Variants in PGBD2 observed in about 807,000 individuals in gnomAD.
PGBD2 encodes the protein piggyBac transposable element-derived protein 2.
In PGBD2, 6 loss-of-function variants were observed where a neutral mutation model predicts 8.1. That is an observed-to-expected ratio of 0.74 (90% CI 0.40 to 1.46). The LOEUF (loss-of-function observed/expected upper bound fraction) is 1.46. PGBD2 is among the 40% of genes most tolerant of loss of function. The pLI is 0.02. For missense variants in PGBD2, 802 were observed against 739.0 expected, an observed-to-expected ratio of 1.09 and a Z score of -0.99; for synonymous variants, 318 against 272.2, an observed-to-expected ratio of 1.17 and a Z score of -1.66.
the PGBD2 span, among the ~76,000 whole-genome samples, chr1:248,881,712 T>C: frequency 1.3e-5 from 2 of 152,240 alleles, no homozygotes; most frequent in Non-Finnish European, 2.9e-5. Context: ...ACTGAACTAT[T>C]AAAGTTATTT....
chr1:248,918,428 A>G lies in PGBD2; in HGVS notation c.*65A>G, dbSNP rs543484656. 2.2e-4 allele frequency: 321 copies of G among 1,463,238 alleles called. 10 individuals are homozygous for G. The South Asian group carries it at 4.2e-3, about 19-fold the overall frequency. 90.6% of individuals were successfully genotyped at this position (1,463,238 alleles called of 1,614,324 possible). A position where few individuals can be genotyped will look rare whatever the true frequency, so the allele number is the denominator to read the frequency against. ...TACAGTTAAATACAGATGGCAGTTGAGCACTTCTGTTTTGTGTTGGAAAAA... is the reference window on the plus strand; with the variant it reads ...TACAGTTAAATACAGATGGCAGTTGGGCACTTCTGTTTTGTGTTGGAAAAA... On this transcript the variant is annotated 3_prime_UTR_variant, in exon 3 of 3. Transcript: ENST00000329291.
the PGBD2 span, among the ~76,000 whole-genome samples, chr1:248,894,699 C>G: frequency 1.5e-5 from 2 of 135,718 alleles, no homozygotes; most frequent in African/African-American, 7.0e-5. Flanking sequence ...CCCTCCCTCC[C>G]TCCTTTCTTT....
chr1:248,885,443 A>C, the PGBD2 span, among the ~76,000 whole-genome samples: 2 of 152,026 alleles, frequency 1.3e-5, no homozygotes, highest in Non-Finnish European at 2.9e-5. Flanking sequence ...GCTCAGCTAA[A>C]AATTTTATTT....
chr1:248,912,603 A>T (rs754501871), intron 1 of PGBD2: 1 of 152,188 alleles, frequency 6.6e-6, no homozygotes, highest in African/African-American at 2.4e-5. Flanking sequence ...CAGAAAATAC[A>T]GAGAAAAATA....
the PGBD2 span, among the ~76,000 whole-genome samples, chr1:248,894,834 G>C: frequency 6.0e-5 from 9 of 149,688 alleles, no homozygotes; most frequent in African/African-American, 2.2e-4. Flanking sequence ...CGCTCTGATT[G>C]TCACTGGCTG....
the PGBD2 span, among the ~76,000 whole-genome samples, chr1:248,927,156 C>G: frequency 6.6e-6 from 1 of 152,130 alleles, no homozygotes; most frequent in African/African-American, 2.4e-5. Context: ...GACAGACATC[C>G]TTAAGGAAGG....
chr1:248,877,280 T>C, the PGBD2 span, among the ~76,000 whole-genome samples: 1 of 152,214 alleles, frequency 6.6e-6, no homozygotes, highest in Non-Finnish European at 1.5e-5. Flanking sequence ...GAGTGAAGTT[T>C]CCAGTTATGA....
At chr1:248,883,593 T>TTC in the PGBD2 span, among the ~76,000 whole-genome samples, 2 of 139,316 alleles carry the variant, frequency 1.4e-5, no homozygotes, top group African/African-American at 5.5e-5. Context: ...TCTTTTTTTT[T>TTC]TTTTTTTTTT....
At chr1:248,902,125 C>A (rs1661544408), upstream of PGBD2, among the ~76,000 whole-genome samples, 1 of 152,000 alleles carries the variant, frequency 6.6e-6, no homozygotes, top group African/African-American at 2.4e-5. Context: ...AAAAAATAGC[C>A]AGGCATGGTG....
the PGBD2 span, among the ~76,000 whole-genome samples, chr1:248,875,861 T>C: frequency 3.3e-5 from 5 of 152,188 alleles, no homozygotes; most frequent in African/African-American, 7.2e-5. Flanking sequence ...ATAATTCAAA[T>C]TGCTACAAAT....
the PGBD2 span, among the ~76,000 whole-genome samples, chr1:248,881,517 T>C: frequency 6.6e-6 from 1 of 152,240 alleles, no homozygotes; most frequent in African/African-American, 2.4e-5. Flanking sequence ...GCTTTATTTA[T>C]TGGTTTGGCA....
At chr1:248,915,719 A>T (rs753591224) in intron 2 of PGBD2, among the ~76,000 whole-genome samples, 4 of 152,166 alleles carry the variant, frequency 2.6e-5, no homozygotes, top group African/African-American at 4.8e-5. Context: ...TGGCTTCTGA[A>T]TTGCAGTTAG....
At chr1:248,916,311 G>T (rs956419036) in intron 2 of PGBD2, among the ~76,000 whole-genome samples, 1 of 152,260 alleles carries the variant, frequency 6.6e-6, no homozygotes, top group South Asian at 2.1e-4. Flanking sequence ...GTACTCGGGA[G>T]GCTGAGGCAG....
downstream of PGBD2, among the ~76,000 whole-genome samples, chr1:248,922,045 G>A (rs1156515872): frequency 6.6e-6 from 1 of 150,814 alleles, no homozygotes; most frequent in African/African-American, 2.4e-5. Flanking sequence ...AGACAATGGG[G>A]TTTTCTTTTC....
the PGBD2 span, among the ~76,000 whole-genome samples, chr1:248,928,769 T>A: frequency 6.6e-6 from 1 of 152,238 alleles, no homozygotes; most frequent in Non-Finnish European, 1.5e-5. Flanking sequence ...CTCAACAAAC[T>A]TATTTTTCCT....
At chr1:248,873,823 G>A in the PGBD2 span, among the ~76,000 whole-genome samples, 1 of 152,212 alleles carries the variant, frequency 6.6e-6, no homozygotes, top group Admixed American at 6.5e-5. Flanking sequence ...ACACAAGTAT[G>A]AGGCTAAGTG....
At chr1:248,878,291 T>C in the PGBD2 span, among the ~76,000 whole-genome samples, 572 of 152,212 alleles carry the variant, frequency 3.8e-3, 4 homozygotes, top group Middle Eastern at 0.024. Flanking sequence ...GCGAGTCTCC[T>C]GCCTCAGCCT....
At chr1:248,929,673 T>C in the PGBD2 span, among the ~76,000 whole-genome samples, 1 of 152,180 alleles carries the variant, frequency 6.6e-6, no homozygotes, top group Non-Finnish European at 1.5e-5. Context: ...ACCATCATCA[T>C]TAGTCTTTTC....
chr1:248,901,213 A>G (rs575516557), upstream of PGBD2, among the ~76,000 whole-genome samples: 2 of 152,304 alleles, frequency 1.3e-5, no homozygotes, highest in South Asian at 4.1e-4. Context: ...ATTGCTATGG[A>G]CATTTTTCAC....
Sources: gnomAD v4.1 joint callset for allele counts (sites outside exome capture counted in the v4.1 genomes callset) on GRCh38, gnomAD v4.1.1 for gene constraint, MANE v1.5 for transcripts, NCBI Gene and HGNC (gene_info 2026-07-23, HGNC 2026-07-21) for gene names.